Variants in MPP3 observed in about 807,000 individuals in gnomAD.
MPP3 encodes the protein MAGUK p55 scaffold protein 3.
A neutral mutation model predicts 80.7 loss-of-function variants in MPP3; 48 were observed. That is an observed-to-expected ratio of 0.59 (90% CI 0.47 to 0.76). The LOEUF is 0.76. Among genes scored for constraint, MPP3 ranks in the 30% least tolerant of loss-of-function variants. The pLI is 0.00. For synonymous variants in MPP3, 311 were observed against 297.6 expected (o/e 1.04, Z -0.46); for missense variants, 620 against 763.0 (o/e 0.81, Z 2.21).
intron 12 of MPP3, among the ~76,000 whole-genome samples, chr17:43,817,670 G>A (rs2045211764): frequency 6.6e-6 from 1 of 152,126 alleles, no homozygotes; most frequent in South Asian, 2.1e-4. Context: ...GGTCACACAT[G>A]GCCTTCTCCA....
At chr17:43,812,358 G>A (rs2044903318) in intron 16 of MPP3, among the ~76,000 whole-genome samples, 2 of 152,126 alleles carry the variant, frequency 1.3e-5, no homozygotes, top group African/African-American at 2.4e-5. Context: ...AGGTGCTAGG[G>A]TCACTTTTCC....
rs955167874 is a variant in MPP3, at chr17:43,811,158, G to A, written c.1303C>T (p.His435Tyr). The A allele has an allele frequency of 6.2e-7, 1 of 1,614,166 alleles. No individual in the cohort carries two copies. The highest frequency in any genetic ancestry group is 8.5e-7 in the Non-Finnish European group (1 of 1,180,002). ...TCAAATGCTTGCTTAGACACAAAGTGATATTCCACTCCTTCCTTCTCATGG... is the reference window on the plus strand; with the variant it reads ...TCAAATGCTTGCTTAGACACAAAGTAATATTCCACTCCTTCCTTCTCATGG... ...KSHEKEGVEY[H>Y]FVSKQAFEAD... The change falls in exon 17 of 20, where the codon CAC (histidine) becomes TAC (tyrosine). Residue 435 changes from histidine (H) to tyrosine (Y), a missense_variant. Coordinates refer to ENST00000398389, the MANE Select transcript of MPP3 (RefSeq NM_001932.6).
intron 8 of MPP3, among the ~76,000 whole-genome samples, chr17:43,827,221 G>T (rs952670870): frequency 1.3e-5 from 2 of 151,794 alleles, no homozygotes; most frequent in African/African-American, 4.8e-5. Context: ...TCTCTGTGTG[G>T]GTCAGGCTGG....
chr17:43,823,436 C>G (rs2045555687), intron 10 of MPP3, among the ~76,000 whole-genome samples: 1 of 152,196 alleles, frequency 6.6e-6, no homozygotes, highest in African/African-American at 2.4e-5. Context: ...GTGACTGTAA[C>G]TCTTTGTACA....
chr17:43,818,722 C>A (rs150881995), intron 11 of MPP3, among the ~76,000 whole-genome samples: 1 of 152,128 alleles, frequency 6.6e-6, no homozygotes, highest in South Asian at 2.1e-4. Flanking sequence ...GTCAGGAGTT[C>A]GAGACCAGCC....
intron 12 of MPP3, 42 bp from the exon 13 acceptor site, chr17:43,816,739 G>A: frequency 1.3e-6 from 2 of 1,558,642 alleles, no homozygotes; most frequent in Non-Finnish European, 1.7e-6. Flanking sequence ...CATTAGTGGA[G>A]GGAAGCGGGG....
intron 5 of MPP3, 134 bp from the exon 6 acceptor site, chr17:43,830,241 C>T (rs2045902514): frequency 3.7e-6 from 2 of 536,914 alleles, no homozygotes; most frequent in South Asian, 3.4e-5. Context: ...CACCCGACGA[C>T]GATGATCCTG....
At position 43,814,040 on chromosome 17, in the gene MPP3, TTC is replaced by T; in HGVS notation, c.1224_1225del (p.Asn409ProfsTer19). On this transcript the variant is annotated frameshift_variant, in exon 16 of 20. Transcript: ENST00000398389. LOFTEE classifies it high-confidence loss of function. The stretch of plus-strand genomic sequence containing the variant: ...AACAGCGACGCCAAAGTGCTGTGGG[TTC>T]TCAGCCACCACCTTTTGCTTCAGCT... 6.2e-7 allele frequency: 1 copy of T among 1,613,324 alleles called. No individual in the cohort carries two copies. The highest frequency in any genetic ancestry group is 8.5e-7 in the Non-Finnish European group (1 of 1,179,530).
chr17:43,807,266 C>T (rs952969765), intron 19 of MPP3, among the ~76,000 whole-genome samples: 2 of 151,888 alleles, frequency 1.3e-5, no homozygotes, highest in African/African-American at 4.8e-5. Context: ...AGCCACCATG[C>T]CAGCCTCCCC....
At chr17:43,816,173 C>A in intron 13 of MPP3, 94 bp from the exon 14 acceptor site, 3 of 1,107,634 alleles carry the variant, frequency 2.7e-6, no homozygotes, top group South Asian at 1.6e-5. Context: ...CAGGAAGAGC[C>A]CCCTGGGATG....
intron 4 of MPP3, 27 bp downstream of exon 4, chr17:43,831,532 T>C (rs1202039152): frequency 6.5e-7 from 1 of 1,534,618 alleles, no homozygotes; most frequent in African/African-American, 1.4e-5. Flanking sequence ...TAGACACCCT[T>C]CCACGCAGGA....
chr17:43,816,629 AC>A, intron 13 of MPP3, 47 bp downstream of exon 13: 1 of 1,545,642 alleles, frequency 6.5e-7, no homozygotes, highest in East Asian at 2.4e-5. Flanking sequence ...CAGACGTTCC[AC>A]GGAAAAGGGG....
Position 43,814,250 on chromosome 17 carries a change from A to C in MPP3, c.1121T>G (p.Val374Gly). The C allele has an allele frequency of 6.2e-7, 1 of 1,613,372 alleles. No individual in the cohort carries two copies. The highest frequency in any genetic ancestry group is 8.5e-7 in the Non-Finnish European group (1 of 1,179,970). Reference sequence around the variant, plus strand: ...TCCGGGCTGGTGTTGGTACCTGGCCACCTCTTCGTAAGTCAGCAGCTCCGG... The same window carrying C: ...TCCGGGCTGGTGTTGGTACCTGGCCCCCTCTTCGTAAGTCAGCAGCTCCGG... ...ESPELLTYEEVARYQHQPGER... is the reference protein window; with the variant it reads ...ESPELLTYEEGARYQHQPGER... The change falls in exon 15 of 20, where the codon GTG becomes GGG. Residue 374 changes from valine (V) to glycine (G), a missense_variant. Physicochemically the swap from Val to Gly is moderately radical, Grantham distance 109. Transcript: ENST00000398389.
chr17:43,827,677 A>G (rs1598364748), intron 8 of MPP3, 74 bp downstream of exon 8: 2 of 1,433,942 alleles, frequency 1.4e-6, no homozygotes, highest in Non-Finnish European at 1.9e-6. Flanking sequence ...AAGGGGACCT[A>G]TTAGCAAAGG....
At chr17:43,809,117 G>A (rs371319165) in intron 18 of MPP3, 39 bp from the exon 19 acceptor site, 2 of 1,546,628 alleles carry the variant, frequency 1.3e-6, no homozygotes, top group Middle Eastern at 2.1e-4. Context: ...TACTTTTGAA[G>A]TGTTTTGTTG....
chr17:43,816,588 G>C, intron 13 of MPP3, 89 bp downstream of exon 13: 1 of 1,236,092 alleles, frequency 8.1e-7, no homozygotes, highest in Non-Finnish European at 1.2e-6. Context: ...CAGCTGCCCA[G>C]ATAGGGAAAG....
chr17:43,832,199 G>A (rs756890897), intron 2 of MPP3: 2 of 499,708 alleles, frequency 4.0e-6, no homozygotes. Flanking sequence ...AAATGACTGC[G>A]AATGTTCCCA....
chr17:43,820,604 ATACAC>A (rs1414700090), intron 11 of MPP3, among the ~76,000 whole-genome samples: 8 of 125,488 alleles, frequency 6.4e-5, no homozygotes, highest in African/African-American at 4.0e-4. Flanking sequence ...AAAAAAAAAA[ATACAC>A]ACACACACAC....
chr17:43,826,851 T>C (rs1490118441), intron 8 of MPP3, among the ~76,000 whole-genome samples: 2 of 149,704 alleles, frequency 1.3e-5, no homozygotes, highest in Admixed American at 6.6e-5. Flanking sequence ...TTTTCTTTTT[T>C]TTTTGAGACG....
Sources: gnomAD v4.1 joint callset for allele counts (sites outside exome capture counted in the v4.1 genomes callset) on GRCh38, gnomAD v4.1.1 for gene constraint, MANE v1.5 for transcripts, NCBI Gene and HGNC (gene_info 2026-07-23, HGNC 2026-07-21) for gene names.